Variants in LARS1 observed in about 807,000 individuals in gnomAD.
LARS1 encodes leucine--tRNA ligase, cytoplasmic.
In LARS1, 100 loss-of-function variants were observed where a neutral mutation model predicts 162.8. The ratio of observed to expected loss-of-function variants is 0.61; its 90% CI spans 0.52 to 0.73. LARS1 has a LOEUF of 0.73. Ranked by LOEUF, LARS1 falls within the 30% of genes least tolerant of loss-of-function variation. LARS1 has a pLI of 0.00. For synonymous variants in LARS1, 457 were observed against 462.8 expected, an observed-to-expected ratio of 0.99 and a Z score of 0.16; for missense variants, 1,258 against 1,408.9, an observed-to-expected ratio of 0.89 and a Z score of 1.71.
chr5:146,117,399 C>T (rs955737029), intron 31 of LARS1, among the ~76,000 whole-genome samples: 1 of 152,138 alleles, frequency 6.6e-6, no homozygotes, highest in Non-Finnish European at 1.5e-5. Context: ...CACTTGAGGC[C>T]AGGAGCTCAA....
chr5:146,156,632 T>C (rs1022072031), intron 10 of LARS1, among the ~76,000 whole-genome samples: 3 of 151,206 alleles, frequency 2.0e-5, no homozygotes, highest in African/African-American at 7.3e-5. Context: ...GAGGCAGAGG[T>C]GCAGTGAGCT....
intron 21 of LARS1, chr5:146,138,424 GAA>G (rs747873467): frequency 1.4e-4 from 18 of 131,568 alleles, no homozygotes; most frequent in Non-Finnish European, 2.3e-4. Context: ...TGTTAAAAAG[GAA>G]AAAAAAAAAA....
intron 14 of LARS1, 120 bp from the exon 15 acceptor site, chr5:146,149,819 A>G (rs1245269423): frequency 1.4e-6 from 1 of 692,258 alleles, no homozygotes; most frequent in Admixed American, 2.5e-5. Flanking sequence ...TTAGTATGAA[A>G]TTTATCATAT....
chr5:146,143,658 G>T lies in LARS1; in HGVS notation c.1739-108C>A, dbSNP rs1267841074. The T allele has an allele frequency of 6.1e-6, 6 of 990,000 alleles. No individual in the cohort carries two copies. In the East Asian group the frequency reaches 1.5e-4, roughly 24 times the overall value. The allele number at this position is 990,000 out of a possible 1,614,324, so 61.3% of individuals were successfully genotyped here. On this transcript the variant is annotated intron_variant, in intron 18 of 31. Coordinates refer to ENST00000394434, the MANE Select transcript of LARS1 (RefSeq NM_020117.11). Reference sequence around the variant, plus strand: ...ATTTACAAAGCTACTTATTTAGGAAGCTCTTAAATTATTCTTGAATAATTA... The same window carrying T: ...ATTTACAAAGCTACTTATTTAGGAATCTCTTAAATTATTCTTGAATAATTA...
chr5:146,135,115 T>C (rs1554127858), intron 22 of LARS1, among the ~76,000 whole-genome samples: 2 of 151,914 alleles, frequency 1.3e-5, no homozygotes, highest in Non-Finnish European at 2.9e-5. Context: ...GCGATTCTCC[T>C]GCCTCAGCCT....
At chr5:146,166,290 G>A (rs577346676) in intron 5 of LARS1, among the ~76,000 whole-genome samples, 11 of 152,246 alleles carry the variant, frequency 7.2e-5, no homozygotes, top group African/African-American at 2.6e-4. Flanking sequence ...GGACACAGGA[G>A]CCAAGCTAAA....
chr5:146,133,235 A>C (rs575586271), intron 22 of LARS1, among the ~76,000 whole-genome samples, 154 bp from the exon 23 acceptor site: 1 of 152,192 alleles, frequency 6.6e-6, no homozygotes, highest in Non-Finnish European at 1.5e-5. Flanking sequence ...AATTAAAATC[A>C]CCAAAAAGTA....
At chr5:146,146,673 C>A (rs1753023036) in intron 15 of LARS1, among the ~76,000 whole-genome samples, 1 of 135,776 alleles carries the variant, frequency 7.4e-6, no homozygotes, top group Non-Finnish European at 1.6e-5. Context: ...GGTACACATT[C>A]CTAGCTATCT....
chr5:146,138,001 T>C (rs1752587209), intron 21 of LARS1: 1 of 154,318 alleles, frequency 6.5e-6, no homozygotes, highest in Admixed American at 6.6e-5. Context: ...CAGGCACCTG[T>C]AGTCCTAGCT....
At chr5:146,163,461 A>C (rs1415412512) in intron 6 of LARS1, among the ~76,000 whole-genome samples, 1 of 152,162 alleles carries the variant, frequency 6.6e-6, no homozygotes, top group Non-Finnish European at 1.5e-5. Flanking sequence ...TGAGATGGGC[A>C]GATCACCTGA....
chr5:146,170,061 A>G (rs1754192583), intron 4 of LARS1, among the ~76,000 whole-genome samples: 1 of 152,240 alleles, frequency 6.6e-6, no homozygotes, highest in Non-Finnish European at 1.5e-5. Context: ...ATATCATAGG[A>G]CATTCTACAA....
intron 2 of LARS1, among the ~76,000 whole-genome samples, chr5:146,175,918 GC>G (rs900083033): frequency 7.9e-5 from 12 of 152,172 alleles, no homozygotes; most frequent in African/African-American, 2.9e-4. Flanking sequence ...GCTTTGAGAG[GC>G]CAAGGCAGAA....
In LARS1 at chr5:146,115,903, G is replaced by C. The variant is rs79833999; in HGVS notation, c.3326-1592C>G. ...GCTACCCTCCCTCATGTTGACTTGAGAGTACAAAGCTTAGTATAAGAGGGA... is the reference window on the plus strand; with the variant it reads ...GCTACCCTCCCTCATGTTGACTTGACAGTACAAAGCTTAGTATAAGAGGGA... On this transcript the variant is annotated intron_variant, in intron 31 of 31. Coordinates refer to ENST00000394434, the MANE Select transcript of LARS1 (RefSeq NM_020117.11). Among the ~76,000 whole-genome samples the C allele has an allele frequency of 1.1e-3, 160 of 152,244 alleles. 3 individuals carry two copies. The East Asian group carries it at 0.027, about 26-fold the overall frequency.
intron 5 of LARS1, among the ~76,000 whole-genome samples, 155 bp downstream of exon 5, chr5:146,167,973 C>T (rs1345759982): frequency 1.3e-5 from 2 of 152,224 alleles, no homozygotes; most frequent in Non-Finnish European, 2.9e-5. Context: ...CTTGAGCCAC[C>T]GCGCCTGGCC....
At chr5:146,170,721 G>A (rs968096366) in intron 4 of LARS1, among the ~76,000 whole-genome samples, 6 of 151,806 alleles carry the variant, frequency 4.0e-5, no homozygotes, top group East Asian at 1.9e-4. Context: ...AGGGCTAGGC[G>A]TGGTGGCTCA....
At chr5:146,179,680 G>T (rs1290700128) in intron 1 of LARS1, 5 of 442,730 alleles carry the variant, frequency 1.1e-5, no homozygotes, top group African/African-American at 1.0e-4. Context: ...GCTCACCGCA[G>T]CCTTGACCTA....
intron 4 of LARS1, among the ~76,000 whole-genome samples, chr5:146,170,937 T>C (rs1754246380): frequency 6.6e-6 from 1 of 151,432 alleles, no homozygotes; most frequent in African/African-American, 2.4e-5. Flanking sequence ...CATGCATGTG[T>C]GCTAAGAGAC....
intron 5 of LARS1, among the ~76,000 whole-genome samples, chr5:146,165,251 T>C (rs1335471594): frequency 2.6e-5 from 4 of 152,118 alleles, no homozygotes; most frequent in African/African-American, 9.7e-5. Flanking sequence ...GGAGAATCAC[T>C]TGAACCGGGA....
At chr5:146,114,421 A>C in intron 31 of LARS1, 110 bp from the exon 32 acceptor site, 1 of 849,654 alleles carries the variant, frequency 1.2e-6, no homozygotes, top group Non-Finnish European at 1.8e-6. Context: ...CTAAACAAAA[A>C]TATTTTCTTC....
Sources: gnomAD v4.1 joint callset for allele counts (sites outside exome capture counted in the v4.1 genomes callset) on GRCh38, gnomAD v4.1.1 for gene constraint, MANE v1.5 for transcripts, NCBI Gene and HGNC (gene_info 2026-07-23, HGNC 2026-07-21) for gene names.